GRIA3: variants seen among roughly 807,000 people sequenced by gnomAD.
GRIA3 encodes glutamate receptor 3.
Under a neutral mutation model 63.0 loss-of-function variants are expected in GRIA3, and 3 were observed. The observed-to-expected ratio is 0.05, with a 90% CI of 0.02 to 0.12. The LOEUF (loss-of-function observed/expected upper bound fraction) is 0.12. GRIA3 is among the 10% of genes least tolerant of loss of function. The pLI is 1.00. For synonymous variants in GRIA3, 274 were observed against 257.9 expected (o/e 1.06, Z -0.60); for missense variants, 347 against 700.9 (o/e 0.50, Z 5.70).
chrX:123,488,841 C>T lies in GRIA3; in HGVS notation c.*131C>T, dbSNP rs2045954985. On this transcript the variant is annotated 3_prime_UTR_variant, in exon 16 of 16. Transcript: ENST00000620443. ...CGAATATTGCTGATGGTGCAATGAC[C>T]TTTCAATAGGAAAAACTGATTTTTT... 1 of 110,972 alleles carries T rather than the reference C, an allele frequency of 9.0e-6. No individual in the cohort carries two copies. Among genetic ancestry groups the T allele is most frequent in the African/African-American group, 3.3e-5 (1 of 30,361 alleles). The allele number at this position is 110,972 out of a possible 1,213,427, so 9.1% of individuals were successfully genotyped here.
intron 3 of GRIA3, among the ~76,000 whole-genome samples, chrX:123,311,824 C>A (rs988324557): frequency 2.7e-5 from 3 of 112,105 alleles, no homozygotes; most frequent in South Asian, 3.7e-4. Context: ...GCCCTCCCTG[C>A]CATGGAGTAA....
chrX:123,266,531 C>T (rs1345641771), intron 3 of GRIA3, among the ~76,000 whole-genome samples: 1 of 110,999 alleles, frequency 9.0e-6, no homozygotes, highest in African/African-American at 3.3e-5. Context: ...AAGCTCCCAC[C>T]ATCTCCTGCA....
At chrX:123,340,953 T>C (rs2045005141) in intron 4 of GRIA3, among the ~76,000 whole-genome samples, 1 of 112,404 alleles carries the variant, frequency 8.9e-6, no homozygotes, top group African/African-American at 3.2e-5. Flanking sequence ...TTGTTCATTA[T>C]GACCTCAAGC....
intron 5 of GRIA3, among the ~76,000 whole-genome samples, chrX:123,390,179 G>A (rs1329705735): frequency 9.0e-6 from 1 of 111,370 alleles, no homozygotes; most frequent in Non-Finnish European, 1.9e-5. Context: ...TTTCTGTAGT[G>A]GAAACATTTG....
At chrX:123,185,512 G>T (rs1373747919) in intron 1 of GRIA3, among the ~76,000 whole-genome samples, 1 of 102,807 alleles carries the variant, frequency 9.7e-6, no homozygotes, top group Non-Finnish European at 2.0e-5. Flanking sequence ...GGGCGGAGGG[G>T]GGGGGCGACT....
At position 123,247,706 on chromosome X, in the gene GRIA3, G is replaced by A. The variant is rs189973886; in HGVS notation, c.269-5597G>A. ...CATCTTCTTGAGCCAAATTGGCAGA[G>A]TTTCTTTAACCCATTACCACCCAGA... is the stretch of plus-strand genomic sequence containing the variant. On this transcript the variant is annotated intron_variant, in intron 2 of 15. Coordinates refer to ENST00000620443, the MANE Select transcript of GRIA3 (RefSeq NM_007325.5). Among the ~76,000 whole-genome samples the A allele has an allele frequency of 4.5e-5, 5 of 110,863 alleles. No homozygotes were observed. The East Asian group carries it at 1.4e-3, about 32-fold the overall frequency.
At chrX:123,475,025 C>T (rs895841751) in intron 13 of GRIA3, among the ~76,000 whole-genome samples, 1 of 112,143 alleles carries the variant, frequency 8.9e-6, no homozygotes, top group Non-Finnish European at 1.9e-5. Flanking sequence ...ACATTACTAT[C>T]CTCCATATAA....
At chrX:123,253,057 T>C (rs1291521641) in intron 2 of GRIA3, among the ~76,000 whole-genome samples, 1 of 111,330 alleles carries the variant, frequency 9.0e-6, no homozygotes, top group Non-Finnish European at 1.9e-5. Flanking sequence ...TAAGACGACT[T>C]TCACCTCTAT....
At chrX:123,206,142 T>C (rs746196492) in intron 2 of GRIA3, among the ~76,000 whole-genome samples, 11 of 112,111 alleles carry the variant, frequency 9.8e-5, no homozygotes, top group African/African-American at 2.9e-4. Flanking sequence ...GTGTTTAGCC[T>C]GTCACTTCTC....
intron 3 of GRIA3, among the ~76,000 whole-genome samples, chrX:123,271,098 A>G (rs2044518749): frequency 8.9e-6 from 1 of 111,955 alleles, no homozygotes; most frequent in African/African-American, 3.2e-5. Context: ...AGCTATTTGG[A>G]GCTCTGTAGA....
At chrX:123,201,440 C>A (rs1298226569) in intron 2 of GRIA3, among the ~76,000 whole-genome samples, 3 of 111,483 alleles carry the variant, frequency 2.7e-5, no homozygotes, top group Non-Finnish European at 5.7e-5. Context: ...GGAGACTAGG[C>A]TGAATACAGT....
chrX:123,280,598 G>C (rs993172714), intron 3 of GRIA3, among the ~76,000 whole-genome samples: 1 of 111,819 alleles, frequency 8.9e-6, no homozygotes, highest in Non-Finnish European at 1.9e-5. Flanking sequence ...GAAATGTCTG[G>C]TTTCATGTCC....
intron 2 of GRIA3, among the ~76,000 whole-genome samples, chrX:123,201,477 A>C (rs1366170852): frequency 9.0e-6 from 1 of 111,531 alleles, no homozygotes; most frequent in Non-Finnish European, 1.9e-5. Context: ...TTTTAAAATA[A>C]AATTCCTTGT....
intron 4 of GRIA3, among the ~76,000 whole-genome samples, chrX:123,327,511 G>A (rs1327332947): frequency 9.0e-6 from 1 of 111,280 alleles, no homozygotes. Flanking sequence ...TTGCCTGGGA[G>A]AGCTGTTTTA....
At chrX:123,221,118 A>G (rs933504217) in intron 2 of GRIA3, among the ~76,000 whole-genome samples, 1 of 112,758 alleles carries the variant, frequency 8.9e-6, no homozygotes, top group Non-Finnish European at 1.9e-5. Context: ...GCACACACAC[A>G]CTAAAATGGA....
chrX:123,462,318 A>G (rs1195917151), intron 12 of GRIA3, among the ~76,000 whole-genome samples: 1 of 111,624 alleles, frequency 9.0e-6, no homozygotes, highest in Non-Finnish European at 1.9e-5. Flanking sequence ...AATAAATCCA[A>G]ACTTTTTACC....
At chrX:123,296,005 T>C (rs184054328) in intron 3 of GRIA3, among the ~76,000 whole-genome samples, 37 of 111,771 alleles carry the variant, frequency 3.3e-4, no homozygotes, top group African/African-American at 1.2e-3. Context: ...GAGAATGACC[T>C]TTGTTTTTCC....
chrX:123,373,251 A>T (rs1239638966), intron 5 of GRIA3, among the ~76,000 whole-genome samples: 2 of 111,362 alleles, frequency 1.8e-5, no homozygotes, highest in Non-Finnish European at 3.8e-5. Context: ...ACATTTTCTT[A>T]ATCCAGTCTA....
intron 3 of GRIA3, among the ~76,000 whole-genome samples, chrX:123,287,636 G>A (rs1461861773): frequency 1.8e-5 from 2 of 111,534 alleles, no homozygotes; most frequent in Non-Finnish European, 3.8e-5. Flanking sequence ...CAAACAGAGA[G>A]CCAATTCATG....
Sources: gnomAD v4.1 joint callset for allele counts (sites outside exome capture counted in the v4.1 genomes callset) on GRCh38, gnomAD v4.1.1 for gene constraint, MANE v1.5 for transcripts, NCBI Gene and HGNC (gene_info 2026-07-23, HGNC 2026-07-21) for gene names.